Variants in UTRN observed in about 807,000 individuals in gnomAD.
UTRN encodes dystrophin-related protein 1.
In UTRN, 283 loss-of-function variants were observed where a neutral mutation model predicts 463.9. That is an observed-to-expected ratio of 0.61 (90% CI 0.55 to 0.67). The LOEUF is 0.67. Among genes scored for constraint, UTRN ranks in the 30% least tolerant of loss-of-function variants. The probability of loss-of-function intolerance (pLI) is 0.00; values close to 1 mark genes in which losing one functional copy is unlikely to be tolerated. For missense variants in UTRN, 3,922 were observed against 4,084.3 expected, an observed-to-expected ratio of 0.96 and a Z score of 1.08; for synonymous variants, 1,442 against 1,431.5, an observed-to-expected ratio of 1.01 and a Z score of -0.17.
chr6:144,730,236 G>A, intron 53 of UTRN, 121 bp from the exon 54 acceptor site: 5 of 1,142,256 alleles, frequency 4.4e-6, no homozygotes, highest in Non-Finnish European at 5.7e-6. Context: ...TAACTTAGCT[G>A]AAATGCTTGC....
intron 48 of UTRN, among the ~76,000 whole-genome samples, 186 bp downstream of exon 48, chr6:144,551,268 T>C (rs1189042580): frequency 6.6e-6 from 1 of 152,202 alleles, no homozygotes; most frequent in Non-Finnish European, 1.5e-5. Flanking sequence ...TTTTTATGTT[T>C]TGTGAACATT....
chr6:144,783,878 G>A (rs1304314534), intron 61 of UTRN, among the ~76,000 whole-genome samples: 6 of 152,052 alleles, frequency 3.9e-5, no homozygotes, highest in African/African-American at 7.2e-5. Context: ...TAATGAATAC[G>A]GGATTTGCGA....
chr6:144,418,358 C>A (rs1486716874), intron 3 of UTRN, among the ~76,000 whole-genome samples: 1 of 148,268 alleles, frequency 6.7e-6, no homozygotes, highest in East Asian at 2.0e-4. Flanking sequence ...GGACTACAGG[C>A]GCCCGCCACC....
chr6:144,787,131 A>G (rs947345041), intron 61 of UTRN, among the ~76,000 whole-genome samples: 2 of 152,174 alleles, frequency 1.3e-5, no homozygotes, highest in African/African-American at 4.8e-5. Context: ...ACATTCATGT[A>G]CTTGTCTCAG....
chr6:144,468,426 A>G (rs1018109063), intron 23 of UTRN, among the ~76,000 whole-genome samples: 1 of 152,174 alleles, frequency 6.6e-6, no homozygotes, highest in Non-Finnish European at 1.5e-5. Context: ...GTAATTTTAT[A>G]TTCATTTGAA....
intron 57 of UTRN, among the ~76,000 whole-genome samples, chr6:144,756,037 T>C (rs976003986): frequency 6.6e-6 from 1 of 152,044 alleles, no homozygotes. Flanking sequence ...AGACCTTAGG[T>C]AGTTAATCTT....
At chr6:144,435,132 T>C (rs548877699) in intron 9 of UTRN, among the ~76,000 whole-genome samples, 6 of 152,336 alleles carry the variant, frequency 3.9e-5, no homozygotes, top group African/African-American at 1.4e-4. Flanking sequence ...GAGCATTTTT[T>C]GTATTGTTCT....
chr6:144,398,398 G>C (rs770477469), intron 2 of UTRN: 3 of 381,002 alleles, frequency 7.9e-6, no homozygotes, highest in African/African-American at 2.2e-5. Context: ...ATCTGGCTGG[G>C]ATTCTTCTTG....
chr6:144,831,945 T>A (rs188556123), intron 69 of UTRN, among the ~76,000 whole-genome samples: 55 of 151,638 alleles, frequency 3.6e-4, no homozygotes, highest in African/African-American at 1.3e-3. Context: ...CTTTCAAAAG[T>A]TCATTGAATG....
intron 48 of UTRN, 37 bp downstream of exon 48, chr6:144,551,119 C>T: frequency 7.2e-7 from 1 of 1,389,490 alleles, no homozygotes; most frequent in African/African-American, 1.5e-5. Flanking sequence ...TTATCATCCA[C>T]TTTCCCTGCA....
chr6:144,461,080 C>T (rs755077649), intron 21 of UTRN, 117 bp from the exon 22 acceptor site: 2 of 802,376 alleles, frequency 2.5e-6, no homozygotes, highest in Non-Finnish European at 3.5e-6. Flanking sequence ...GACCCTTTTA[C>T]ATTTTAATCA....
intron 3 of UTRN, among the ~76,000 whole-genome samples, chr6:144,408,642 C>T (rs957726625): frequency 2.6e-5 from 4 of 152,144 alleles, no homozygotes; most frequent in Admixed American, 1.3e-4. Context: ...ATTGACAGAA[C>T]GTAAGAGAGG....
At chr6:144,637,634 C>T (rs987609938) in intron 51 of UTRN, among the ~76,000 whole-genome samples, 8 of 148,710 alleles carry the variant, frequency 5.4e-5, no homozygotes, top group East Asian at 1.9e-4. Context: ...TTCACATACA[C>T]GTTGTTTAAA....
chr6:144,681,098 C>A (rs549759672), intron 52 of UTRN, among the ~76,000 whole-genome samples: 6 of 152,054 alleles, frequency 3.9e-5, no homozygotes, highest in Non-Finnish European at 7.4e-5. Context: ...GAGACACTTT[C>A]GGCATCTAGG....
Position 144,852,184 on chromosome 6 carries a change from T to C in UTRN, c.*1187T>C, listed in dbSNP as rs1303840177. 6.6e-6 allele frequency: 1 copy of C among 152,158 alleles called. No homozygotes were observed. Among genetic ancestry groups the C allele is most frequent in the Non-Finnish European group, 1.5e-5 (1 of 68,008 alleles). 9.4% of individuals were successfully genotyped at this position (152,158 alleles called of 1,614,324 possible). A position where few individuals can be genotyped will look rare whatever the true frequency, so the allele number is the denominator to read the frequency against. On this transcript the variant is annotated 3_prime_UTR_variant, in exon 75 of 75. Transcript: ENST00000367545. Reference sequence around the variant, plus strand: ...TGATCAATATATTTGGAAAGAATGTTTATCAAAAGTCTATGTCACTGCTTC... The same window carrying C: ...TGATCAATATATTTGGAAAGAATGTCTATCAAAAGTCTATGTCACTGCTTC...
At chr6:144,358,592 A>G (rs1778775499) in intron 2 of UTRN, among the ~76,000 whole-genome samples, 1 of 152,144 alleles carries the variant, frequency 6.6e-6, no homozygotes, top group Non-Finnish European at 1.5e-5. Flanking sequence ...TCTTCTTCAT[A>G]TTCTATTAAC....
intron 51 of UTRN, among the ~76,000 whole-genome samples, chr6:144,591,794 G>A (rs1168889333): frequency 8.6e-5 from 13 of 151,120 alleles, no homozygotes; most frequent in Admixed American, 5.3e-4. Flanking sequence ...AATTATAGCC[G>A]GAAAAAAAAA....
intron 25 of UTRN, among the ~76,000 whole-genome samples, chr6:144,477,196 AT>A (rs1281017528): frequency 1.3e-5 from 2 of 152,292 alleles, no homozygotes; most frequent in East Asian, 3.9e-4. Context: ...TTTGATTTTT[AT>A]TAGTGGAATA....
intron 51 of UTRN, among the ~76,000 whole-genome samples, chr6:144,595,362 C>T (rs1803533691): frequency 6.6e-6 from 1 of 152,270 alleles, no homozygotes; most frequent in South Asian, 2.1e-4. Context: ...AGTTTCTCAC[C>T]ATGCACTGCT....
Sources: gnomAD v4.1 joint callset for allele counts (sites outside exome capture counted in the v4.1 genomes callset) on GRCh38, gnomAD v4.1.1 for gene constraint, MANE v1.5 for transcripts, NCBI Gene and HGNC (gene_info 2026-07-23, HGNC 2026-07-21) for gene names.